The following PLEKHA5 variants were observed in gnomAD, a reference collection of about 807,000 sequenced individuals.
PLEKHA5 encodes pleckstrin homology domain containing A5.
Under a neutral mutation model 181.9 loss-of-function variants are expected in PLEKHA5, and 55 were observed. The observed-to-expected ratio is 0.30, with a 90% confidence interval of 0.24 to 0.38. The LOEUF is 0.38. PLEKHA5 is among the 10% of genes least tolerant of loss of function. The pLI is 1.00. For missense variants in PLEKHA5, 1,432 were observed against 1,549.5 expected, an observed-to-expected ratio of 0.92 and a Z score of 1.27; for synonymous variants, 535 against 529.4, an observed-to-expected ratio of 1.01 and a Z score of -0.15.
intron 3 of PLEKHA5, among the ~76,000 whole-genome samples, chr12:19,229,462 G>C (rs1404843606): frequency 1.3e-5 from 2 of 151,926 alleles, no homozygotes; most frequent in Non-Finnish European, 2.9e-5. Context: ...AGACCTTCGC[G>C]GTGAGTGTTA....
At chr12:19,371,110 T>A (rs1226167794) in intron 31 of PLEKHA5, 1 of 151,266 alleles carries the variant, frequency 6.6e-6, no homozygotes, top group Non-Finnish European at 1.5e-5. Flanking sequence ...CCTCCCAGGC[T>A]CAAGCAATCC....
At chr12:19,239,283 G>T (rs1368734715) in intron 3 of PLEKHA5, among the ~76,000 whole-genome samples, 1 of 152,112 alleles carries the variant, frequency 6.6e-6, no homozygotes, top group Non-Finnish European at 1.5e-5. Flanking sequence ...TACTCTGCTG[G>T]AAGGAAATGT....
At chr12:19,171,696 T>G (rs544389012) in intron 3 of PLEKHA5, among the ~76,000 whole-genome samples, 23 of 152,356 alleles carry the variant, frequency 1.5e-4, no homozygotes, top group Middle Eastern at 3.4e-3. Flanking sequence ...TTTTTAAAAA[T>G]TCTTGACTCT....
chr12:19,215,134 G>A (rs1291644758), intron 3 of PLEKHA5, among the ~76,000 whole-genome samples: 4 of 151,892 alleles, frequency 2.6e-5, no homozygotes, highest in Admixed American at 2.0e-4. Flanking sequence ...CTGAGATGGT[G>A]CCACTGCACT....
chr12:19,362,188 AAAAG>A (rs1371596154), intron 29 of PLEKHA5, among the ~76,000 whole-genome samples: 2 of 149,714 alleles, frequency 1.3e-5, no homozygotes, highest in African/African-American at 4.9e-5. Flanking sequence ...AAAAAAAAAA[AAAAG>A]GCATAATAAC....
chr12:19,313,582 A>G (rs1458689986), intron 15 of PLEKHA5, among the ~76,000 whole-genome samples: 4 of 152,012 alleles, frequency 2.6e-5, no homozygotes, highest in African/African-American at 4.8e-5. Flanking sequence ...AAATTTGTCA[A>G]TTTATTCTTC....
intron 3 of PLEKHA5, among the ~76,000 whole-genome samples, chr12:19,215,490 G>C (rs1299940429): frequency 6.6e-6 from 1 of 152,108 alleles, no homozygotes; most frequent in African/African-American, 2.4e-5. Flanking sequence ...AAGGGGCGTT[G>C]CATATAGTAG....
At chr12:19,256,075 G>GA (rs1248086436) in intron 5 of PLEKHA5, among the ~76,000 whole-genome samples, 1 of 151,896 alleles carries the variant, frequency 6.6e-6, no homozygotes, top group African/African-American at 2.4e-5. Flanking sequence ...GAATCAATAA[G>GA]AAAAGGGCTT....
chr12:19,137,686 C>G (rs562972969), intron 3 of PLEKHA5, among the ~76,000 whole-genome samples: 11 of 152,094 alleles, frequency 7.2e-5, no homozygotes, highest in African/African-American at 2.4e-5. Context: ...TTGTCTCTTT[C>G]GTTTTCAAGT....
chr12:19,284,127 G>A (rs1240426589), intron 12 of PLEKHA5, among the ~76,000 whole-genome samples: 3 of 152,098 alleles, frequency 2.0e-5, no homozygotes, highest in African/African-American at 4.8e-5. Flanking sequence ...GGAATGCAGA[G>A]GCATAATCTC....
intron 6 of PLEKHA5, among the ~76,000 whole-genome samples, chr12:19,257,835 G>T (rs1351851853): frequency 1.3e-5 from 2 of 151,974 alleles, no homozygotes; most frequent in African/African-American, 4.8e-5. Context: ...TATCCAGACA[G>T]AAATATTTTT....
rs1215315196 is a variant in PLEKHA5 at position 19,350,996 on chromosome 12, G to A, written c.3019+2477G>A. Among the ~76,000 whole-genome samples the A allele has an allele frequency of 5.4e-5, 7 of 129,772 alleles. No homozygotes were observed. The South Asian group carries it at 1.5e-3, about 27-fold the overall frequency. The allele number at this position is 129,772 out of a possible 152,430, so 85.1% of individuals were successfully genotyped here. A position where few individuals can be genotyped will look rare whatever the true frequency, so the allele number is the denominator to read the frequency against. ...TTTTTTGAGACAGGATCTCACCATC[G>A]GCCCAGGCTGGAGTACAGTGGTGAG... is the stretch of plus-strand genomic sequence containing the variant. On this transcript the variant is annotated intron_variant, in intron 25 of 31. Coordinates refer to ENST00000429027, the MANE Select transcript of PLEKHA5 (RefSeq NM_001256470.2).
At chr12:19,375,313 C>A (rs1488375523) in intron 31 of PLEKHA5, among the ~76,000 whole-genome samples, 2 of 151,768 alleles carry the variant, frequency 1.3e-5, no homozygotes, top group African/African-American at 4.8e-5. Context: ...GATAGTGATA[C>A]CCTGTCTCAA....
intron 10 of PLEKHA5, among the ~76,000 whole-genome samples, chr12:19,271,582 G>A (rs1033971418): frequency 1.3e-5 from 2 of 152,004 alleles, no homozygotes; most frequent in Non-Finnish European, 2.9e-5. Flanking sequence ...ACAGAAATCT[G>A]TATAATAATT....
chr12:19,341,185 G>A (rs1387318991), intron 21 of PLEKHA5, among the ~76,000 whole-genome samples: 1 of 152,134 alleles, frequency 6.6e-6, no homozygotes, highest in African/African-American at 2.4e-5. Context: ...GCTGAGGCAG[G>A]AGGATTGCTT....
intron 3 of PLEKHA5, among the ~76,000 whole-genome samples, chr12:19,169,318 G>C (rs1469547237): frequency 6.6e-6 from 1 of 151,796 alleles, no homozygotes; most frequent in Non-Finnish European, 1.5e-5. Context: ...AATTAAGTTA[G>C]TGTTGCTTGC....
intron 21 of PLEKHA5, among the ~76,000 whole-genome samples, chr12:19,341,407 C>A (rs1019652959): frequency 2.0e-5 from 3 of 152,078 alleles, no homozygotes; most frequent in Non-Finnish European, 2.9e-5. Context: ...ATATATATAT[C>A]TTTTAAATTT....
chr12:19,194,846 T>C (rs1239883524), intron 3 of PLEKHA5, among the ~76,000 whole-genome samples: 1 of 152,224 alleles, frequency 6.6e-6, no homozygotes, highest in Non-Finnish European at 1.5e-5. Context: ...CTGAATTGGC[T>C]TTGTGATCAT....
chr12:19,246,180 G>T (rs1035303049), intron 3 of PLEKHA5, among the ~76,000 whole-genome samples: 1 of 151,274 alleles, frequency 6.6e-6, no homozygotes, highest in African/African-American at 2.4e-5. Flanking sequence ...GGGTTTCACC[G>T]TGTTAGCCAT....
Sources: allele counts gnomAD v4.1 joint callset (sites outside exome capture counted in the v4.1 genomes callset), GRCh38; gene constraint gnomAD v4.1.1; transcripts MANE v1.5; gene names NCBI Gene and HGNC (gene_info 2026-07-23, HGNC 2026-07-21).